SERPINA3: variants seen among roughly 807,000 people sequenced by gnomAD.
The protein encoded by SERPINA3 is serpin family A member 3, also known as alpha-1-antichymotrypsin.
SERPINA3 carries 32 observed loss-of-function variants against 26.8 expected under a neutral mutation model. The ratio of observed to expected loss-of-function variants is 1.20; its 90% CI spans 0.90 to 1.61. The LOEUF is 1.61. SERPINA3 is among the 40% of genes most tolerant of loss of function. The pLI, the probability that SERPINA3 is intolerant of heterozygous loss-of-function variation, is 0.00. For missense variants in SERPINA3, 632 were observed against 517.9 expected, an observed-to-expected ratio of 1.22 and a Z score of -2.14; for synonymous variants, 252 against 206.4, an observed-to-expected ratio of 1.22 and a Z score of -1.89.
chr14:94,619,380 A>G lies in SERPINA3; in HGVS notation c.829A>G (p.Ile277Val). 6.2e-7 allele frequency: 1 copy of G among 1,614,130 alleles called. No individual in the cohort carries two copies. Among genetic ancestry groups the G allele is most frequent in the Non-Finnish European group, 8.5e-7 (1 of 1,180,010 alleles). The change falls in exon 3 of 5, where the codon ATC becomes GTC. Residue 277 changes from isoleucine to valine, a missense_variant. Ile to Val is a conservative substitution (Grantham distance 29). Transcript: ENST00000393078. ...KYTGNASALF[I>V]LPDQDKMEEV... The stretch of plus-strand genomic sequence containing the variant: ...CACAGGCAATGCCAGCGCACTCTTC[A>G]TCCTCCCTGATCAAGACAAGATGGA...
intron 2 of SERPINA3, chr14:94,618,974 G>A (rs1342026334): frequency 6.2e-5 from 38 of 608,132 alleles, no homozygotes; most frequent in Non-Finnish European, 5.3e-5. Flanking sequence ...TTCTCATTTA[G>A]CACAAGGAAC....
At position 94,622,392 on chromosome 14, in the gene SERPINA3, C is replaced by T. The variant is rs747686121; in HGVS notation, c.969C>T (p.Asn323=). 28 of 1,613,908 alleles carry T rather than the reference C, an allele frequency of 1.7e-5. No individual in the cohort carries two copies. The highest frequency in any genetic ancestry group is 2.2e-5 in the Non-Finnish European group (26 of 1,180,008). Residue 323 remains asparagine (N), a synonymous_variant, in exon 4 of 5, where the codon AAC becomes AAT. Transcript: ENST00000393078. ...LPKFSISRDY[N]LNDILLQLGI... ...AGTTTTCCATCTCGAGGGACTATAA[C>T]CTGAACGACATACTTCTCCAGCTGG...
Position 94,614,569 on chromosome 14 carries a change from C to T in SERPINA3, c.128C>T (p.Thr43Ile). The T allele has an allele frequency of 6.2e-7, 1 of 1,614,168 alleles. No homozygotes were observed. The highest frequency in any genetic ancestry group is 1.1e-5 in the South Asian group (1 of 91,078). ...ACCCAGGAGAACCAAGACCGAGGGA[C>T]ACACGTGGACCTCGGATTAGCCTCC... ...NLTQENQDRG[T>I]HVDLGLASAN... Residue 43 changes from threonine to isoleucine, a missense_variant, in exon 2 of 5, where the codon ACA (threonine) becomes ATA (isoleucine). Thr to Ile is a moderately conservative substitution (Grantham distance 89). Transcript: ENST00000393078.
chr14:94,622,558 A>G (rs1265337018), intron 4 of SERPINA3, 67 bp downstream of exon 4: 1 of 1,553,662 alleles, frequency 6.4e-7, no homozygotes, highest in Non-Finnish European at 8.8e-7. Flanking sequence ...GGCCAGATGG[A>G]CTTTTGGGTA....
intron 2 of SERPINA3, among the ~76,000 whole-genome samples, chr14:94,616,705 A>G (rs1199960200): frequency 1.3e-5 from 2 of 152,198 alleles, no homozygotes; most frequent in Admixed American, 6.5e-5. Context: ...GGTTTCCCCT[A>G]GAAAACGGTT....
intron 1 of SERPINA3, 139 bp from the exon 2 acceptor site, chr14:94,614,295 G>A: frequency 1.3e-6 from 1 of 778,630 alleles, no homozygotes; most frequent in Non-Finnish European, 2.2e-6. Flanking sequence ...GTGCCCCAGA[G>A]AGCACCTACC....
rs45518239 is a variant in SERPINA3 at position 94,614,891 on chromosome 14, G to A, written c.450G>A (p.Leu150=). The A allele has an allele frequency of 1.6e-3, 2,572 of 1,614,200 alleles. 1 individual carries two copies. Among genetic ancestry groups the A allele is most frequent in the Non-Finnish European group, 1.9e-3 (2,192 of 1,180,022 alleles). ...AMFVKEQLSL[L]DRFTEDAKRL... ...TTGTCAAAGAGCAACTCAGTCTGCT[G>A]GACAGGTTCACGGAGGATGCCAAGA... Residue 150 remains leucine (L), a synonymous_variant, in exon 2 of 5, where the codon CTG becomes CTA. Coordinates refer to ENST00000393078, the MANE Select transcript of SERPINA3 (RefSeq NM_001085.5).
At chr14:94,619,517 C>T (rs185427164) in intron 3 of SERPINA3, 49 bp downstream of exon 3, 1 of 1,609,228 alleles carries the variant, frequency 6.2e-7, no homozygotes, top group Non-Finnish European at 8.5e-7. Flanking sequence ...ACGTCAAGGT[C>T]TCACCAATGT....
chr14:94,621,043 T>G (rs1368515949), intron 3 of SERPINA3, among the ~76,000 whole-genome samples: 1 of 152,136 alleles, frequency 6.6e-6, no homozygotes, highest in Non-Finnish European at 1.5e-5. Flanking sequence ...GTTGAAGCCA[T>G]AATAAACCAC....
In SERPINA3 at chr14:94,614,595, G is replaced by T; in HGVS notation, c.154G>T (p.Ala52Ser). 7 of 1,614,110 alleles carry T rather than the reference G, an allele frequency of 4.3e-6. No homozygotes were observed. Among genetic ancestry groups the T allele is most frequent in the Non-Finnish European group, 5.9e-6 (7 of 1,180,028 alleles). ...ACACGTGGACCTCGGATTAGCCTCC[G>T]CCAACGTGGACTTCGCTTTCAGCCT... is the stretch of plus-strand genomic sequence containing the variant. ...GTHVDLGLASANVDFAFSLYK... is the reference protein window; with the variant it reads ...GTHVDLGLASSNVDFAFSLYK... The change falls in exon 2 of 5, where the codon GCC (alanine) becomes TCC (serine). Residue 52 changes from alanine (A) to serine (S), a missense_variant. Physicochemically the swap from Ala to Ser is moderately conservative, Grantham distance 99. Coordinates refer to ENST00000393078, the MANE Select transcript of SERPINA3 (RefSeq NM_001085.5).
chr14:94,620,507 G>T (rs1440790391), intron 3 of SERPINA3, among the ~76,000 whole-genome samples: 2 of 152,194 alleles, frequency 1.3e-5, no homozygotes, highest in Non-Finnish European at 2.9e-5. Context: ...TTCCTCCTGT[G>T]TGTGAAATGG....
chr14:94,614,416 A>G lies in SERPINA3; in HGVS notation c.-8-18A>G, dbSNP rs1461098213. The stretch of plus-strand genomic sequence containing the variant: ...CTCCATCTGGCCCTCTGAGACTTAA[A>G]GGAGCTTTGCTTTTCAGAGTTGAGA... On this transcript the variant is annotated intron_variant, in intron 1 of 4. Coordinates refer to ENST00000393078, the MANE Select transcript of SERPINA3 (RefSeq NM_001085.5). 2 of 1,610,610 alleles carry G rather than the reference A, an allele frequency of 1.2e-6. No individual in the cohort carries two copies.
Position 94,623,888 on chromosome 14 carries a change from A to AGCCTGGCCCCTGTGCCAAGCTGGAT in SERPINA3, c.*89_*90insCAAGCTGGATGCCTGGCCCCTGTGC. 7.5e-7 allele frequency: 1 copy of AGCCTGGCCCCTGTGCCAAGCTGGAT among 1,334,030 alleles called. No individual in the cohort carries two copies. The highest frequency in any genetic ancestry group is 1.1e-6 in the Non-Finnish European group (1 of 931,846). 82.6% of individuals were successfully genotyped at this position (1,334,030 alleles called of 1,614,324 possible). On this transcript the variant is annotated 3_prime_UTR_variant, in exon 5 of 5. Transcript: ENST00000393078. ...GCTGGATGCCTGGGTCTCTGGGCAC[A>AGCCTGGCCCCTGTGCCAAGCTGGAT]GCCTGGCCCCTGTGCACCGAGTGGC... is the stretch of plus-strand genomic sequence containing the variant.
intron 4 of SERPINA3, 151 bp from the exon 5 acceptor site, chr14:94,623,460 G>A: frequency 4.0e-6 from 3 of 744,806 alleles, no homozygotes; most frequent in Non-Finnish European, 7.1e-6. Flanking sequence ...CTAGTTGGCA[G>A]GGGAGTTGGG....
intron 2 of SERPINA3, chr14:94,617,533 A>G (rs753960382): frequency 2.6e-5 from 4 of 152,232 alleles, no homozygotes; most frequent in Non-Finnish European, 5.9e-5. Flanking sequence ...AGCCATTCAC[A>G]TGCAATACCT....
chr14:94,623,572 T>C (rs1280006789), intron 4 of SERPINA3, 39 bp from the exon 5 acceptor site: 6 of 1,594,220 alleles, frequency 3.8e-6, no homozygotes, highest in Non-Finnish European at 4.3e-6. Flanking sequence ...CTCCTGCGCA[T>C]CTGTGTTTCC....
chr14:94,623,569 G>T (rs748433962), intron 4 of SERPINA3, 42 bp from the exon 5 acceptor site: 4 of 1,581,226 alleles, frequency 2.5e-6, no homozygotes, highest in South Asian at 2.2e-5. Context: ...GAACTCCTGC[G>T]CATCTGTGTT....
intron 2 of SERPINA3, among the ~76,000 whole-genome samples, chr14:94,616,675 A>T (rs1194144477): frequency 6.6e-6 from 1 of 152,170 alleles, no homozygotes; most frequent in South Asian, 2.1e-4. Context: ...GGGGCAGAAG[A>T]TGGGAATTCA....
chr14:94,619,622 G>T (rs1886129511), intron 3 of SERPINA3, 154 bp downstream of exon 3: 10 of 900,314 alleles, frequency 1.1e-5, no homozygotes, highest in Admixed American at 2.1e-5. Context: ...CTTTGGGCTT[G>T]ATTTTTCTTT....
Sources: gnomAD v4.1 joint callset for allele counts (sites outside exome capture counted in the v4.1 genomes callset) on GRCh38, gnomAD v4.1.1 for gene constraint, MANE v1.5 for transcripts, NCBI Gene and HGNC (gene_info 2026-07-23, HGNC 2026-07-21) for gene names.